THSD7B: variants seen among roughly 807,000 people sequenced by gnomAD.
The protein encoded by THSD7B is thrombospondin type 1 domain containing 7B.
THSD7B carries 138 observed loss-of-function variants against 213.6 expected under a neutral mutation model. That is an observed-to-expected ratio of 0.65 (90% CI 0.56 to 0.74). THSD7B has a LOEUF of 0.74. Among genes scored for constraint, THSD7B ranks in the 30% least tolerant of loss-of-function variants. The pLI is 0.00. For synonymous variants in THSD7B, 742 were observed against 687.0 expected, an observed-to-expected ratio of 1.08 and a Z score of -1.25; for missense variants, 1,931 against 1,991.5, an observed-to-expected ratio of 0.97 and a Z score of 0.58.
At chr2:136,785,532 T>C (rs1001520517) in intron 1 of THSD7B, among the ~76,000 whole-genome samples, 2 of 152,178 alleles carry the variant, frequency 1.3e-5, no homozygotes, top group African/African-American at 4.8e-5. Context: ...CTCCTTTTCA[T>C]AGAAACCCAA....
At chr2:136,905,570 ACAGT>A (rs1029061836) in intron 2 of THSD7B, among the ~76,000 whole-genome samples, 133 of 152,326 alleles carry the variant, frequency 8.7e-4, no homozygotes, top group African/African-American at 3.0e-3. Flanking sequence ...TCCTAAATTA[ACAGT>A]CAGGTTTGTA....
At chr2:137,571,832 T>G (rs937388547) in intron 16 of THSD7B, among the ~76,000 whole-genome samples, 1 of 152,186 alleles carries the variant, frequency 6.6e-6, no homozygotes, top group Non-Finnish European at 1.5e-5. Context: ...TTTTTTGATT[T>G]GAAAAATTCT....
At chr2:137,054,756 G>A (rs1229643634) in intron 2 of THSD7B, among the ~76,000 whole-genome samples, 1 of 151,036 alleles carries the variant, frequency 6.6e-6, no homozygotes, top group Non-Finnish European at 1.5e-5. Context: ...ACCTAGTTAA[G>A]CTGATAAAAC....
At chr2:137,594,854 C>A (rs1681930179) in intron 17 of THSD7B, among the ~76,000 whole-genome samples, 1 of 151,878 alleles carries the variant, frequency 6.6e-6, no homozygotes, top group African/African-American at 2.4e-5. Context: ...TATGGCATAT[C>A]TCTCCATTGT....
intron 5 of THSD7B, among the ~76,000 whole-genome samples, chr2:137,120,637 C>G (rs1688529418): frequency 6.6e-6 from 1 of 152,116 alleles, no homozygotes; most frequent in Admixed American, 6.6e-5. Context: ...AACCTACACA[C>G]TAAGGTAGAG....
intron 5 of THSD7B, among the ~76,000 whole-genome samples, chr2:137,135,169 A>G (rs562918292): frequency 1.3e-5 from 2 of 152,190 alleles, no homozygotes; most frequent in South Asian, 4.1e-4. Context: ...TAACCCTTAT[A>G]TCTCATTATT....
At chr2:137,197,907 A>G (rs1442040920) in intron 7 of THSD7B, among the ~76,000 whole-genome samples, 3 of 152,166 alleles carry the variant, frequency 2.0e-5, no homozygotes, top group Non-Finnish European at 4.4e-5. Flanking sequence ...TCCTATCTCC[A>G]TCAAATGACC....
At chr2:137,326,583 C>T (rs941014221) in intron 12 of THSD7B, among the ~76,000 whole-genome samples, 15 of 152,134 alleles carry the variant, frequency 9.9e-5, no homozygotes, top group African/African-American at 3.4e-4. Context: ...TTTAAAAACT[C>T]GTGAAATCTA....
chr2:137,163,264 C>G (rs1680054458), intron 6 of THSD7B, among the ~76,000 whole-genome samples: 1 of 152,056 alleles, frequency 6.6e-6, no homozygotes. Flanking sequence ...GGTATGCCCC[C>G]AAAAAGATGT....
chr2:137,100,337 T>A (rs1688125637), intron 4 of THSD7B, among the ~76,000 whole-genome samples: 1 of 152,228 alleles, frequency 6.6e-6, no homozygotes, highest in Middle Eastern at 3.4e-3. Context: ...GAACTTCCAG[T>A]CTGTGTTCAC....
Position 137,438,874 on chromosome 2 carries a change from T to C in THSD7B, c.2960-11971T>C, listed in dbSNP as rs540553448. Reference sequence around the variant, plus strand: ...TGCAGATGTAATTAAGTTAAGGAACTTGAGATGAGATCATCCTCGGTTTGG... The same window carrying C: ...TGCAGATGTAATTAAGTTAAGGAACCTGAGATGAGATCATCCTCGGTTTGG... On this transcript the variant is annotated intron_variant, in intron 14 of 27. Transcript: ENST00000409968. Among the ~76,000 whole-genome samples the C allele has an allele frequency of 6.6e-5, 10 of 152,260 alleles. No individual in the cohort carries two copies. In the East Asian group the frequency reaches 1.9e-3, roughly 29 times the overall value.
chr2:137,567,448 C>T (rs1384496035), intron 16 of THSD7B, among the ~76,000 whole-genome samples: 1 of 151,840 alleles, frequency 6.6e-6, no homozygotes, highest in Non-Finnish European at 1.5e-5. Flanking sequence ...TTGAAAAGAG[C>T]CTTATTGGAT....
rs531587320 is a variant in THSD7B at position 137,229,275 on chromosome 2, T to C, written c.1724-1769T>C. Among the ~76,000 whole-genome samples the C allele has an allele frequency of 2.0e-5, 3 of 152,234 alleles. No individual in the cohort carries two copies. In the South Asian group the frequency reaches 6.2e-4, roughly 32 times the overall value. On this transcript the variant is annotated intron_variant, in intron 7 of 27. Transcript: ENST00000409968. Reference sequence around the variant, plus strand: ...TTAATAATATTCACAAGTGTGGAAATTAAATTTTGATTAGATGTAGGTTGG... The same window carrying C: ...TTAATAATATTCACAAGTGTGGAAACTAAATTTTGATTAGATGTAGGTTGG...
chr2:137,006,572 G>T (rs1324922441), intron 2 of THSD7B, among the ~76,000 whole-genome samples: 1 of 152,026 alleles, frequency 6.6e-6, no homozygotes, highest in Admixed American at 6.5e-5. Context: ...CTTCTATACT[G>T]CCTGTTCACA....
chr2:137,281,490 G>A (rs1345011601), intron 12 of THSD7B, among the ~76,000 whole-genome samples: 1 of 151,916 alleles, frequency 6.6e-6, no homozygotes, highest in Non-Finnish European at 1.5e-5. Flanking sequence ...CATGTGCCAT[G>A]TTGGTGTGCT....
chr2:137,638,491 G>C (rs1445607875), intron 20 of THSD7B, among the ~76,000 whole-genome samples: 1 of 152,124 alleles, frequency 6.6e-6, no homozygotes, highest in Non-Finnish European at 1.5e-5. Context: ...CCCAGTCTTG[G>C]ATATGTCTTT....
chr2:137,494,077 T>C (rs1477713431), intron 15 of THSD7B, among the ~76,000 whole-genome samples: 1 of 152,218 alleles, frequency 6.6e-6, no homozygotes, highest in Non-Finnish European at 1.5e-5. Flanking sequence ...TTAACCAAAA[T>C]GCATGAAAGG....
intron 10 of THSD7B, among the ~76,000 whole-genome samples, chr2:137,263,638 A>C (rs1478607801): frequency 6.6e-6 from 1 of 152,210 alleles, no homozygotes; most frequent in Non-Finnish European, 1.5e-5. Context: ...CATTCCTGGA[A>C]AGCAGAAAAG....
chr2:136,852,826 G>A lies in THSD7B; in HGVS notation c.-35-29318G>A, dbSNP rs188026844. On this transcript the variant is annotated intron_variant, in intron 1 of 27. Transcript: ENST00000409968. ...GGTGATTTCAAGTTCTGATTGTTTAGAACAGAACTTGCTGTCTTTCATACC... is the reference window on the plus strand; with the variant it reads ...GGTGATTTCAAGTTCTGATTGTTTAAAACAGAACTTGCTGTCTTTCATACC... 2.0e-3 allele frequency among the ~76,000 whole-genome samples: 307 copies of A among 151,994 alleles called. 2 individuals are homozygous for A. The highest frequency in any genetic ancestry group is 7.1e-3 in the African/African-American group (294 of 41,468).
Sources: allele counts gnomAD v4.1 joint callset (sites outside exome capture counted in the v4.1 genomes callset), GRCh38; gene constraint gnomAD v4.1.1; transcripts MANE v1.5; gene names NCBI Gene and HGNC (gene_info 2026-07-23, HGNC 2026-07-21).